Variants in STK39 observed in about 807,000 individuals in gnomAD.
STK39 encodes the protein STE20/SPS1-related proline-alanine-rich protein kinase.
In STK39, 20 loss-of-function variants were observed where a neutral mutation model predicts 77.8. The ratio of observed to expected loss-of-function variants is 0.26; its 90% CI spans 0.18 to 0.37. The LOEUF is 0.37. Among genes scored for constraint, STK39 ranks in the 10% least tolerant of loss-of-function variants. The pLI is 1.00. For synonymous variants in STK39, 246 were observed against 234.1 expected (o/e 1.05, Z -0.47); for missense variants, 479 against 656.5 (o/e 0.73, Z 2.95).
intron 1 of STK39, among the ~76,000 whole-genome samples, chr2:168,242,822 G>A (rs1188512861): frequency 6.6e-6 from 1 of 150,462 alleles, no homozygotes; most frequent in Non-Finnish European, 1.5e-5. Context: ...GAGCCCAAGA[G>A]TTCGAGGCTG....
intron 14 of STK39, among the ~76,000 whole-genome samples, chr2:168,043,101 CCAGT>C (rs1476959942): frequency 3.3e-5 from 5 of 152,092 alleles, no homozygotes; most frequent in African/African-American, 1.2e-4. Flanking sequence ...CCAACTTTAC[CCAGT>C]CAATCTTCAA....
In STK39 at chr2:167,954,892, T is replaced by C. The variant is rs1040502249; in HGVS notation, c.*604A>G. The C allele has an allele frequency of 2.6e-5, 4 of 152,642 alleles. No individual in the cohort carries two copies. Among genetic ancestry groups the C allele is most frequent in the African/African-American group, 9.6e-5 (4 of 41,464 alleles). The allele number at this position is 152,642 out of a possible 1,614,324, so 9.5% of individuals were successfully genotyped here. On this transcript the variant is annotated 3_prime_UTR_variant, in exon 18 of 18. Transcript: ENST00000355999. The stretch of plus-strand genomic sequence containing the variant: ...AACGAGATTAACTGCAAGAAGCATA[T>C]AATCAAAACCCTTTTTTTCTTATAG...
intron 1 of STK39, among the ~76,000 whole-genome samples, chr2:168,209,288 C>A (rs190400158): frequency 6.6e-5 from 10 of 152,036 alleles, no homozygotes; most frequent in Admixed American, 4.6e-4. Context: ...ACAGAGACCA[C>A]CAGAAAAACA....
intron 1 of STK39, among the ~76,000 whole-genome samples, chr2:168,188,966 CCCT>C (rs1689273869): frequency 6.6e-6 from 1 of 152,196 alleles, no homozygotes; most frequent in African/African-American, 2.4e-5. Context: ...AAACTGGTGA[CCCT>C]CCTAAGTGAC....
At chr2:168,230,005 CGA>C (rs1207763556) in intron 1 of STK39, among the ~76,000 whole-genome samples, 4 of 152,144 alleles carry the variant, frequency 2.6e-5, no homozygotes, top group African/African-American at 9.7e-5. Flanking sequence ...ACTATAACAA[CGA>C]GAGTGTACAC....
intron 14 of STK39, among the ~76,000 whole-genome samples, chr2:168,044,858 A>G (rs1685198338): frequency 6.6e-6 from 1 of 152,220 alleles, no homozygotes; most frequent in Non-Finnish European, 1.5e-5. Flanking sequence ...TAAGGGCCAA[A>G]CAGGTAATAA....
In STK39 at chr2:168,061,509, G is replaced by A. The variant is rs112606630; in HGVS notation, c.1376+1991C>T. On this transcript the variant is annotated intron_variant, in intron 14 of 17. Coordinates refer to ENST00000355999, the MANE Select transcript of STK39 (RefSeq NM_013233.3). ...TGTGTGTGCACATGCACAGATTGAT[G>A]AATAGTGTGCATTGTTTTTTAACTT... Among the ~76,000 whole-genome samples the A allele has an allele frequency of 2.9e-3, 435 of 152,316 alleles. 1 individual carries two copies. Among genetic ancestry groups the A allele is most frequent in the African/African-American group, 1.0e-2 (415 of 41,566 alleles).
intron 1 of STK39, among the ~76,000 whole-genome samples, chr2:168,188,657 C>T (rs1259454620): frequency 6.6e-6 from 1 of 152,190 alleles, no homozygotes; most frequent in Non-Finnish European, 1.5e-5. Context: ...GTACTCGGCA[C>T]ATTGACCCAA....
chr2:168,190,378 G>A lies in STK39; in HGVS notation c.209-8288C>T, dbSNP rs188497869. 2.6e-5 allele frequency among the ~76,000 whole-genome samples: 4 copies of A among 152,280 alleles called. No individual in the cohort carries two copies. In the East Asian group the frequency reaches 5.8e-4, roughly 22 times the overall value. The stretch of plus-strand genomic sequence containing the variant: ...CTAAGTAGGTCGCTGTGGGGGATGT[G>A]GCAGTTAACTTCAAGGTACAAGCCT... On this transcript the variant is annotated intron_variant, in intron 1 of 17. Transcript: ENST00000355999.
intron 15 of STK39, among the ~76,000 whole-genome samples, chr2:168,015,673 AT>A (rs1684385830): frequency 6.6e-6 from 1 of 152,196 alleles, no homozygotes; most frequent in African/African-American, 2.4e-5. Context: ...GCCATAGTCA[AT>A]TTTAAACAAT....
chr2:167,965,526 C>T (rs183120529), intron 16 of STK39, among the ~76,000 whole-genome samples: 61 of 152,262 alleles, frequency 4.0e-4, no homozygotes, highest in Admixed American at 7.2e-4. Flanking sequence ...CAGGGTACTG[C>T]TAATGAACAG....
chr2:168,211,468 T>C (rs1209001602), intron 1 of STK39, among the ~76,000 whole-genome samples: 1 of 152,240 alleles, frequency 6.6e-6, no homozygotes, highest in Non-Finnish European at 1.5e-5. Context: ...TCACCAACCC[T>C]GTGAAGAGAC....
At chr2:168,100,976 G>T (rs1458051815) in intron 10 of STK39, among the ~76,000 whole-genome samples, 1 of 152,198 alleles carries the variant, frequency 6.6e-6, no homozygotes, top group Non-Finnish European at 1.5e-5. Flanking sequence ...ATCAATGACA[G>T]ACTGGTTAAA....
intron 2 of STK39, among the ~76,000 whole-genome samples, chr2:168,178,331 T>A (rs899655936): frequency 6.6e-6 from 1 of 152,054 alleles, no homozygotes. Context: ...GAGATCAGAG[T>A]ACAGTTAAAA....
intron 5 of STK39, among the ~76,000 whole-genome samples, chr2:168,156,498 G>A (rs1174341120): frequency 6.6e-6 from 1 of 152,144 alleles, no homozygotes; most frequent in African/African-American, 2.4e-5. Flanking sequence ...AAATAACACG[G>A]CAGGAGGTCA....
Position 168,054,686 on chromosome 2 carries a change from C to CA in STK39, c.1376+8813_1376+8814insT, listed in dbSNP as rs1553518436. Among the ~76,000 whole-genome samples, 553 of 152,154 alleles carry CA rather than the reference C, an allele frequency of 3.6e-3. 3 individuals carry two copies. The highest frequency in any genetic ancestry group is 6.0e-3 in the Non-Finnish European group (409 of 68,010). ...TCGTCTTTTCAGAAATAAGTTAAGACGGTAAACCCCTTACCAAAGACCACA... is the reference window on the plus strand; with the variant it reads ...TCGTCTTTTCAGAAATAAGTTAAGACAGGTAAACCCCTTACCAAAGACCACA... On this transcript the variant is annotated intron_variant, in intron 14 of 17. Coordinates refer to ENST00000355999, the MANE Select transcript of STK39 (RefSeq NM_013233.3).
chr2:168,214,019 G>A (rs1263014152), intron 1 of STK39, among the ~76,000 whole-genome samples: 2 of 152,096 alleles, frequency 1.3e-5, no homozygotes, highest in Non-Finnish European at 2.9e-5. Context: ...AAAAAGGCAG[G>A]CTCTGAAATC....
intron 16 of STK39, among the ~76,000 whole-genome samples, chr2:168,002,914 C>A (rs941280347): frequency 6.6e-6 from 1 of 152,206 alleles, no homozygotes; most frequent in African/African-American, 2.4e-5. Flanking sequence ...GCAAACAGCT[C>A]TTTGGATGTT....
At chr2:168,043,839 T>C (rs1447920077) in intron 14 of STK39, among the ~76,000 whole-genome samples, 2 of 152,224 alleles carry the variant, frequency 1.3e-5, no homozygotes, top group East Asian at 3.8e-4. Context: ...TTCCATTTTT[T>C]ATTTGCACTC....
Sources: allele counts gnomAD v4.1 joint callset (sites outside exome capture counted in the v4.1 genomes callset), GRCh38; gene constraint gnomAD v4.1.1; transcripts MANE v1.5; gene names NCBI Gene and HGNC (gene_info 2026-07-23, HGNC 2026-07-21).